The following BTBD9 variants were observed in gnomAD, a reference collection of about 807,000 sequenced individuals.
The protein encoded by BTBD9 is BTB domain containing 9, also known as BTB/POZ domain-containing protein 9.
BTBD9 carries 49 observed loss-of-function variants against 64.3 expected under a neutral mutation model. That is an observed-to-expected ratio of 0.76 (90% CI 0.61 to 0.97). BTBD9 has a LOEUF of 0.97. Ranked by LOEUF, BTBD9 falls within the 50% of genes least tolerant of loss-of-function variation. The probability of loss-of-function intolerance (pLI) is 0.00; values close to 1 mark genes in which losing one functional copy is unlikely to be tolerated. For missense variants in BTBD9, 598 were observed against 762.1 expected (o/e 0.78, Z 2.53); for synonymous variants, 260 against 274.7 (o/e 0.95, Z 0.53).
intron 6 of BTBD9, among the ~76,000 whole-genome samples, chr6:38,564,427 T>C (rs746640846): frequency 5.3e-5 from 8 of 152,140 alleles, no homozygotes; most frequent in Admixed American, 6.5e-5. Context: ...AGATCAAAAA[T>C]TCTCTGGAAG....
chr6:38,458,994 A>G (rs1424848264), intron 6 of BTBD9, among the ~76,000 whole-genome samples: 1 of 152,136 alleles, frequency 6.6e-6, no homozygotes, highest in Non-Finnish European at 1.5e-5. Flanking sequence ...TGCTATATAA[A>G]AGTCTGACCA....
chr6:38,327,670 T>G (rs1763495617), intron 7 of BTBD9, among the ~76,000 whole-genome samples: 1 of 152,222 alleles, frequency 6.6e-6, no homozygotes, highest in Non-Finnish European at 1.5e-5. Context: ...ACAATCCAGA[T>G]AACAAAGCTT....
intron 6 of BTBD9, among the ~76,000 whole-genome samples, chr6:38,507,389 C>G (rs1772572976): frequency 6.6e-6 from 1 of 152,158 alleles, no homozygotes; most frequent in Non-Finnish European, 1.5e-5. Flanking sequence ...AATTCTTCAA[C>G]CCCTCCACTC....
intron 1 of BTBD9, among the ~76,000 whole-genome samples, chr6:38,623,345 A>C (rs1259437901): frequency 6.6e-6 from 1 of 152,190 alleles, no homozygotes; most frequent in Non-Finnish European, 1.5e-5. Flanking sequence ...ACTTATAGGG[A>C]TAGGAATGGC....
chr6:38,582,693 A>G (rs950974947), intron 4 of BTBD9, among the ~76,000 whole-genome samples: 12 of 152,180 alleles, frequency 7.9e-5, no homozygotes, highest in Non-Finnish European at 1.3e-4. Context: ...GTTAAAGTGA[A>G]AAAAACCAAG....
chr6:38,358,542 T>A (rs752154916), intron 6 of BTBD9, among the ~76,000 whole-genome samples: 1 of 151,954 alleles, frequency 6.6e-6, no homozygotes, highest in African/African-American at 2.4e-5. Context: ...AAATACCTCA[T>A]AGGTATGGGG....
chr6:38,494,173 C>A (rs191659246), intron 6 of BTBD9, among the ~76,000 whole-genome samples: 4 of 152,216 alleles, frequency 2.6e-5, no homozygotes, highest in Admixed American at 2.6e-4. Context: ...TTTCAAAGGA[C>A]AAAGTTCAGT....
intron 6 of BTBD9, among the ~76,000 whole-genome samples, chr6:38,495,123 C>G (rs1771892947): frequency 6.6e-6 from 1 of 152,216 alleles, no homozygotes; most frequent in African/African-American, 2.4e-5. Context: ...CAAAGCAACT[C>G]TATATAATGT....
intron 6 of BTBD9, among the ~76,000 whole-genome samples, chr6:38,533,713 A>G (rs371444482): frequency 6.6e-6 from 1 of 152,342 alleles, no homozygotes; most frequent in East Asian, 1.9e-4. Context: ...CAATGGAATA[A>G]AACAAATCAA....
intron 8 of BTBD9, among the ~76,000 whole-genome samples, chr6:38,283,489 A>C (rs1158776571): frequency 6.6e-6 from 1 of 151,992 alleles, no homozygotes; most frequent in Non-Finnish European, 1.5e-5. Context: ...CTCTACAAAA[A>C]ATTTTATAAA....
rs1283351989 is a variant in BTBD9, at chr6:38,535,458, C to T, written c.1154+42142G>A. 2.0e-5 allele frequency among the ~76,000 whole-genome samples: 3 copies of T among 152,098 alleles called. No individual in the cohort carries two copies. The South Asian group carries it at 6.2e-4, about 32-fold the overall frequency. ...AAGCAATCTACAGATTCAATGCAAT[C>T]ATAATCAAAATACCAATGACATTTT... On this transcript the variant is annotated intron_variant, in intron 6 of 10. Transcript: ENST00000481247.
chr6:38,287,656 C>T (rs1174871604), intron 8 of BTBD9, among the ~76,000 whole-genome samples: 2 of 152,166 alleles, frequency 1.3e-5, no homozygotes, highest in Non-Finnish European at 2.9e-5. Context: ...TGTAAGGACA[C>T]TCTATGATGT....
chr6:38,535,400 G>A (rs2127433260), intron 6 of BTBD9, among the ~76,000 whole-genome samples: 1 of 152,112 alleles, frequency 6.6e-6, no homozygotes, highest in South Asian at 2.1e-4. Context: ...TGGACTAGAA[G>A]AATCAATATT....
intron 8 of BTBD9, among the ~76,000 whole-genome samples, chr6:38,279,585 C>G (rs905927415): frequency 4.6e-5 from 7 of 152,084 alleles, no homozygotes; most frequent in Non-Finnish European, 8.8e-5. Context: ...CTTCTGTTAG[C>G]CCTCATGAGA....
At chr6:38,382,747 G>A (rs1236750034) in intron 6 of BTBD9, among the ~76,000 whole-genome samples, 1 of 151,970 alleles carries the variant, frequency 6.6e-6, no homozygotes, top group East Asian at 1.9e-4. Flanking sequence ...AGATGCTAAA[G>A]AGATTAAAAA....
intron 6 of BTBD9, among the ~76,000 whole-genome samples, chr6:38,560,766 T>G (rs1775230703): frequency 6.6e-6 from 1 of 152,186 alleles, no homozygotes; most frequent in Non-Finnish European, 1.5e-5. Context: ...CAGTGTCTAC[T>G]GTTCCCCTCT....
At chr6:38,357,070 C>T (rs1764755461) in intron 6 of BTBD9, among the ~76,000 whole-genome samples, 1 of 152,178 alleles carries the variant, frequency 6.6e-6, no homozygotes, top group African/African-American at 2.4e-5. Flanking sequence ...TAGAGACACT[C>T]TGTTTTATCC....
chr6:38,530,673 A>G (rs1201831758), intron 6 of BTBD9, among the ~76,000 whole-genome samples: 2 of 152,216 alleles, frequency 1.3e-5, no homozygotes, highest in Admixed American at 1.3e-4. Flanking sequence ...AGACAGAGAT[A>G]GGTGACCTTT....
chr6:38,352,875 G>A (rs866051564), intron 6 of BTBD9, among the ~76,000 whole-genome samples: 1 of 152,204 alleles, frequency 6.6e-6, no homozygotes. Context: ...TTACTATGTG[G>A]TAGCTATTGC....
Sources: allele counts gnomAD v4.1 joint callset (sites outside exome capture counted in the v4.1 genomes callset), GRCh38; gene constraint gnomAD v4.1.1; transcripts MANE v1.5; gene names NCBI Gene and HGNC (gene_info 2026-07-23, HGNC 2026-07-21).